MPDZ: variants seen among roughly 807,000 people sequenced by gnomAD.
MPDZ encodes the protein multiple PDZ domain crumbs cell polarity complex component.
A neutral mutation model predicts 239.1 loss-of-function variants in MPDZ; 234 were observed. That is an observed-to-expected ratio of 0.98 (90% CI 0.88 to 1.09). MPDZ has a LOEUF of 1.09. Ranked by LOEUF, MPDZ falls within the 50% of genes least tolerant of loss-of-function variation. MPDZ has a pLI of 0.00. For missense variants in MPDZ, 3,175 were observed against 2,510.0 expected (o/e 1.26, Z -5.66); for synonymous variants, 1,048 against 881.3 (o/e 1.19, Z -3.35).
Position 13,223,662 on chromosome 9 carries a change from G to C in MPDZ, c.442C>G (p.Leu148Val). 6.2e-7 allele frequency: 1 copy of C among 1,611,698 alleles called. No individual in the cohort carries two copies. The highest frequency in any genetic ancestry group is 1.1e-5 in the South Asian group (1 of 90,934). ...FELLKPPSGG[L>V]GFSVVGLRSE... Reference sequence around the variant, plus strand: ...CTTAGTCCCACAACACTAAACCCAAGGCCTCCAGATGGAGGTTTGAGGAGC... The same window carrying C: ...CTTAGTCCCACAACACTAAACCCAACGCCTCCAGATGGAGGTTTGAGGAGC... Residue 148 changes from leucine (L) to valine (V), a missense_variant, in exon 5 of 47, where the codon CTT becomes GTT. Transcript: ENST00000319217.
intron 2 of MPDZ, among the ~76,000 whole-genome samples, chr9:13,248,181 T>C (rs1385224879): frequency 2.7e-5 from 4 of 150,382 alleles, no homozygotes; most frequent in East Asian, 2.0e-4. Flanking sequence ...TGAGCCGAGA[T>C]TGGGCCACTG....
At chr9:13,147,802 T>C in intron 25 of MPDZ, 144 bp from the exon 26 acceptor site, 1 of 620,218 alleles carries the variant, frequency 1.6e-6, no homozygotes, top group Admixed American at 2.9e-5. Flanking sequence ...CATGTGAAGC[T>C]GCAGAACTTT....
chr9:13,262,495 G>A (rs143022541), intron 1 of MPDZ, among the ~76,000 whole-genome samples: 4 of 151,900 alleles, frequency 2.6e-5, no homozygotes, highest in Middle Eastern at 3.4e-3. Context: ...TTCATAGGAG[G>A]ATAGAAATGT....
intron 24 of MPDZ, among the ~76,000 whole-genome samples, chr9:13,152,842 A>C (rs1406881041): frequency 6.6e-6 from 1 of 152,146 alleles, no homozygotes; most frequent in Non-Finnish European, 1.5e-5. Flanking sequence ...AATAGCTGTA[A>C]GCGCTATGAG....
chr9:13,149,020 G>C (rs1948801010), intron 25 of MPDZ, among the ~76,000 whole-genome samples: 1 of 151,736 alleles, frequency 6.6e-6, no homozygotes, highest in African/African-American at 2.4e-5. Flanking sequence ...TTAGGTCAAA[G>C]GTATTTAATA....
chr9:13,245,159 G>C (rs1278913297), intron 3 of MPDZ, among the ~76,000 whole-genome samples: 1 of 151,494 alleles, frequency 6.6e-6, no homozygotes, highest in Non-Finnish European at 1.5e-5. Flanking sequence ...ATCAGCAGTT[G>C]GTAAACTACA....
chr9:13,216,873 A>G lies in MPDZ; in HGVS notation c.1202-11T>C, dbSNP rs1179437935. Reference sequence around the variant, plus strand: ...AGATTCCTGAAGGTTCTAAGATTAGAAATAGTTTATTTTTCACAATTTTCA... The same window carrying G: ...AGATTCCTGAAGGTTCTAAGATTAGGAATAGTTTATTTTTCACAATTTTCA... On this transcript the variant is annotated splice_polypyrimidine_tract_variant and intron_variant, in intron 9 of 46. Transcript: ENST00000319217. The G allele has an allele frequency of 6.3e-7, 1 of 1,596,262 alleles. No individual in the cohort carries two copies. Among genetic ancestry groups the G allele is most frequent in the South Asian group, 1.1e-5 (1 of 89,654 alleles).
rs146489875 is a variant in MPDZ, at chr9:13,127,490, A to C, written c.4465-718T>G. ...TTAATAAAATTAAAACAGAGTTTTT[A>C]ACATTTTCATTGCCAGAGCTAGCCA... On this transcript the variant is annotated intron_variant, in intron 32 of 46. Coordinates refer to ENST00000319217, the MANE Select transcript of MPDZ (RefSeq NM_001378778.1). Among the ~76,000 whole-genome samples the C allele has an allele frequency of 2.7e-3, 414 of 152,374 alleles. 1 individual carries two copies. Among genetic ancestry groups the C allele is most frequent in the Middle Eastern group, 6.8e-3 (2 of 294 alleles).
chr9:13,249,770 GA>G (rs1187278894), intron 2 of MPDZ, among the ~76,000 whole-genome samples: 1 of 152,160 alleles, frequency 6.6e-6, no homozygotes, highest in Non-Finnish European at 1.5e-5. Flanking sequence ...AGAGCAGTGG[GA>G]AAAACAGTTT....
chr9:13,204,507 G>A (rs1240753006), intron 12 of MPDZ, among the ~76,000 whole-genome samples: 1 of 151,956 alleles, frequency 6.6e-6, no homozygotes, highest in African/African-American at 2.4e-5. Context: ...ATTCCCAGAA[G>A]GTATGATAAT....
At position 13,206,958 on chromosome 9, in the gene MPDZ, T is replaced by C. The variant is rs1023888912; in HGVS notation, c.1291-859A>G. On this transcript the variant is annotated intron_variant, in intron 10 of 46. Transcript: ENST00000319217. ...CCTTCCAAAATGGTGAGTTTACAGA[T>C]ACAGGCCACTGTGCCCTACTTCTAC... Among the ~76,000 whole-genome samples, 96 of 152,204 alleles carry C rather than the reference T, an allele frequency of 6.3e-4. 1 individual carries two copies. Among genetic ancestry groups the C allele is most frequent in the African/African-American group, 2.2e-3 (92 of 41,570 alleles).
rs1331796584 is a variant in MPDZ, at chr9:13,183,400, T to C, written c.2649+18A>G. The C allele has an allele frequency of 1.9e-6, 3 of 1,575,120 alleles. No homozygotes were observed. Among genetic ancestry groups the C allele is most frequent in the African/African-American group, 2.8e-5 (2 of 72,598 alleles). On this transcript the variant is annotated intron_variant, in intron 19 of 46. Transcript: ENST00000319217. ...ACAAGACTTTCCTATAAAAGAAAAATTGGCTTTTCCTTTGTACCTTAGGAG... is the reference window on the plus strand; with the variant it reads ...ACAAGACTTTCCTATAAAAGAAAAACTGGCTTTTCCTTTGTACCTTAGGAG...
At chr9:13,205,834 A>T in intron 11 of MPDZ, 82 bp downstream of exon 11, 2 of 1,264,376 alleles carry the variant, frequency 1.6e-6, no homozygotes, top group South Asian at 3.4e-5. Flanking sequence ...AACCATTCTG[A>T]AATAGTAAGT....
intron 19 of MPDZ, among the ~76,000 whole-genome samples, chr9:13,177,006 G>C (rs1220100260): frequency 1.3e-5 from 2 of 152,262 alleles, no homozygotes; most frequent in East Asian, 3.9e-4. Context: ...GGAATAGTAA[G>C]ACGGGTTGTC....
In MPDZ at chr9:13,225,453, T is replaced by C. The variant is rs150982595; in HGVS notation, c.184-870A>G. On this transcript the variant is annotated intron_variant, in intron 3 of 46. Coordinates refer to ENST00000319217, the MANE Select transcript of MPDZ (RefSeq NM_001378778.1). Reference sequence around the variant, plus strand: ...ACAGTATATTGACTATCTAGTAGTGTACAGTAATGTCGTAGGCCTTCACAT... The same window carrying C: ...ACAGTATATTGACTATCTAGTAGTGCACAGTAATGTCGTAGGCCTTCACAT... Among the ~76,000 whole-genome samples the C allele has an allele frequency of 2.1e-4, 32 of 152,048 alleles. 1 individual carries two copies. The highest frequency in any genetic ancestry group is 7.2e-4 in the African/African-American group (30 of 41,514).
At chr9:13,128,867 G>A (rs1945498822) in intron 32 of MPDZ, among the ~76,000 whole-genome samples, 1 of 152,126 alleles carries the variant, frequency 6.6e-6, no homozygotes, top group Admixed American at 6.5e-5. Flanking sequence ...AGAAAGACAA[G>A]CCTTGGGATA....
chr9:13,147,842 G>T (rs1483724520), intron 25 of MPDZ, among the ~76,000 whole-genome samples, 184 bp from the exon 26 acceptor site: 1 of 152,022 alleles, frequency 6.6e-6, no homozygotes, highest in Non-Finnish European at 1.5e-5. Context: ...GTGGTCCCTT[G>T]CTTTGGACAC....
intron 3 of MPDZ, among the ~76,000 whole-genome samples, chr9:13,228,488 A>C (rs1318753490): frequency 6.6e-6 from 1 of 152,188 alleles, no homozygotes; most frequent in Non-Finnish European, 1.5e-5. Context: ...CAAGTAAAGC[A>C]GAAAAAATAA....
chr9:13,264,967 C>T (rs945356766), intron 1 of MPDZ, among the ~76,000 whole-genome samples: 1 of 152,200 alleles, frequency 6.6e-6, no homozygotes, highest in African/African-American at 2.4e-5. Flanking sequence ...GGCCAAGACA[C>T]AAGATGCCAG....
Sources: gnomAD v4.1 joint callset for allele counts (sites outside exome capture counted in the v4.1 genomes callset) on GRCh38, gnomAD v4.1.1 for gene constraint, MANE v1.5 for transcripts, NCBI Gene and HGNC (gene_info 2026-07-23, HGNC 2026-07-21) for gene names.